The following NDST1 variants were observed in gnomAD, a reference collection of about 807,000 sequenced individuals.
NDST1 encodes bifunctional heparan sulfate N-deacetylase/N-sulfotransferase 1.
Under a neutral mutation model 92.8 loss-of-function variants are expected in NDST1, and 35 were observed. The ratio of observed to expected loss-of-function variants is 0.38; its 90% confidence interval spans 0.29 to 0.50. The LOEUF (loss-of-function observed/expected upper bound fraction) is 0.50. Ranked by LOEUF, NDST1 falls within the 20% of genes least tolerant of loss-of-function variation. NDST1 has a pLI of 0.94. For synonymous variants in NDST1, 493 were observed against 500.3 expected (o/e 0.99, Z 0.19); for missense variants, 822 against 1,182.7 (o/e 0.69, Z 4.47).
chr5:150,511,515 A>C (rs75303717), intron 1 of NDST1, among the ~76,000 whole-genome samples: 1 of 152,198 alleles, frequency 6.6e-6, no homozygotes, highest in Non-Finnish European at 1.5e-5. Context: ...GGACCAAGGT[A>C]AATGAGAGTG....
chr5:150,506,962 C>T (rs1025618637), upstream of NDST1, among the ~76,000 whole-genome samples: 1 of 152,348 alleles, frequency 6.6e-6, no homozygotes, highest in African/African-American at 2.4e-5. Flanking sequence ...CCCTAGCCCA[C>T]CTGGCTTCCG....
At chr5:150,511,893 A>G (rs1753740194) in intron 1 of NDST1, among the ~76,000 whole-genome samples, 1 of 139,648 alleles carries the variant, frequency 7.2e-6, no homozygotes, top group Admixed American at 7.2e-5. Context: ...TGGGTGGGGC[A>G]GGCTGTGGTA....
In NDST1 at chr5:150,545,345, C is replaced by T; in HGVS notation, c.2004C>T (p.Thr668=). 1.2e-6 allele frequency: 2 copies of T among 1,614,246 alleles called. No homozygotes were observed. Among genetic ancestry groups the T allele is most frequent in the African/African-American group, 1.3e-5 (1 of 75,072 alleles). ...AGTTCTTCCCCATCCCTTCCAACAC[C>T]ACCTCCGACTTCTACTTTGAGAAAA... ...YMEFFPIPSN[T]TSDFYFEKSA... The change falls in exon 11 of 15, where the codon ACC becomes ACT. Residue 668 remains threonine, a synonymous_variant. Coordinates refer to ENST00000261797, the MANE Select transcript of NDST1 (RefSeq NM_001543.5).
chr5:150,543,203 G>A (rs1312392958), intron 10 of NDST1, among the ~76,000 whole-genome samples: 2 of 152,244 alleles, frequency 1.3e-5, no homozygotes, highest in African/African-American at 4.8e-5. Context: ...GTAGTCAGAC[G>A]CTGAGGTCGA....
At chr5:150,542,137 A>G (rs1755272816) in intron 9 of NDST1, among the ~76,000 whole-genome samples, 2 of 152,188 alleles carry the variant, frequency 1.3e-5, no homozygotes, top group Admixed American at 1.3e-4. Flanking sequence ...AGGTTCAGAG[A>G]AGTCAAGTGA....
intron 3 of NDST1, among the ~76,000 whole-genome samples, chr5:150,530,557 ATTTTTTTT>A (rs71589713): frequency 2.4e-5 from 3 of 127,234 alleles, no homozygotes; most frequent in African/African-American, 6.7e-5. Flanking sequence ...CGTATTTTAA[ATTTTTTTT>A]TTTTTTTTTT....
chr5:150,548,697 C>T (rs760179819), intron 12 of NDST1, among the ~76,000 whole-genome samples: 4 of 152,028 alleles, frequency 2.6e-5, no homozygotes, highest in Admixed American at 6.6e-5. Context: ...CCACTGTACC[C>T]AGCTAATTTT....
chr5:150,551,629 C>T (rs1340813079), intron 13 of NDST1, 124 bp from the exon 14 acceptor site: 5 of 1,200,580 alleles, frequency 4.2e-6, no homozygotes, highest in Non-Finnish European at 2.4e-6. Flanking sequence ...TCTGACAGTC[C>T]ATGTGGGTTC....
In NDST1 at chr5:150,553,983, C is replaced by A. The variant is rs1755817730; in HGVS notation, c.*651C>A. 1.5e-5 allele frequency: 6 copies of A among 409,446 alleles called. No homozygotes were observed. The East Asian group carries it at 2.1e-4, about 14-fold the overall frequency. 25.4% of individuals were successfully genotyped at this position (409,446 alleles called of 1,614,324 possible). A position where few individuals can be genotyped will look rare whatever the true frequency, so the allele number is the denominator to read the frequency against. On this transcript the variant is annotated 3_prime_UTR_variant, in exon 15 of 15. Transcript: ENST00000261797. This position sits in a 1 kb window ranked among gnomAD's most constrained non-coding sequence, Gnocchi z 4.2. ...CAAGGCTTCCCGCAGGGCCTTGGGG[C>A]ACTGCCTTGCCATCGGGCCCAGTTC... is the stretch of plus-strand genomic sequence containing the variant.
rs1284905058 is a variant in NDST1, at chr5:150,535,689, C to A, written c.1252-11C>A. On this transcript the variant is annotated splice_polypyrimidine_tract_variant and intron_variant, in intron 5 of 14. Transcript: ENST00000261797. ...CCTATGCTCACCCTGGCCTGGTCAT[C>A]CTCTCCCTAGGAGCATGGCATTCCC... 1 of 1,614,144 alleles carries A rather than the reference C, an allele frequency of 6.2e-7. No individual in the cohort carries two copies. Among genetic ancestry groups the A allele is most frequent in the South Asian group, 1.1e-5 (1 of 91,088 alleles).
intron 1 of NDST1, among the ~76,000 whole-genome samples, chr5:150,499,481 G>A (rs766211569): frequency 1.3e-5 from 2 of 152,216 alleles, no homozygotes; most frequent in African/African-American, 2.4e-5. Flanking sequence ...AAGGCAGCGG[G>A]TGTAAGGGCT....
chr5:150,544,113 G>T (rs1397954235), intron 10 of NDST1, among the ~76,000 whole-genome samples: 1 of 152,188 alleles, frequency 6.6e-6, no homozygotes, highest in East Asian at 1.9e-4. Flanking sequence ...ACAGTCTCTT[G>T]TCTAAAATCT....
intron 5 of NDST1, 139 bp from the exon 6 acceptor site, chr5:150,535,561 C>T: frequency 8.2e-7 from 1 of 1,225,620 alleles, no homozygotes; most frequent in Non-Finnish European, 1.2e-6. Context: ...GCCTCAGCTT[C>T]CCATCTTACC....
chr5:150,521,509 G>A lies in NDST1; in HGVS notation c.255G>A (p.Val85=), dbSNP rs1754237943. Residue 85 remains valine (V), a synonymous_variant, in exon 2 of 15, where the codon GTG becomes GTA. Transcript: ENST00000261797. This position sits in a 1 kb window ranked among gnomAD's most constrained non-coding sequence, Gnocchi z 5.9. ...AATPSRTDPL[V]LVFVESLYSQ... The stretch of plus-strand genomic sequence containing the variant: ...CCCCTTCCCGCACAGACCCGTTGGT[G>A]CTGGTCTTTGTGGAGAGCCTCTACT... The A allele has an allele frequency of 6.2e-7, 1 of 1,613,908 alleles. No homozygotes were observed. Among genetic ancestry groups the A allele is most frequent in the African/African-American group, 1.3e-5 (1 of 74,934 alleles).
At chr5:150,550,857 A>C (rs139193869) in intron 13 of NDST1, 1 of 152,368 alleles carries the variant, frequency 6.6e-6, no homozygotes, top group Admixed American at 6.5e-5. Flanking sequence ...GATAAAGATA[A>C]TAATCCCTGC....
chr5:150,530,723 T>A (rs1366982550), intron 3 of NDST1, among the ~76,000 whole-genome samples: 1 of 152,032 alleles, frequency 6.6e-6, no homozygotes, highest in African/African-American at 2.4e-5. Flanking sequence ...CATACCCAGC[T>A]TACCCAGCTA....
At chr5:150,518,016 T>C (rs1329885617) in intron 1 of NDST1, among the ~76,000 whole-genome samples, 1 of 152,202 alleles carries the variant, frequency 6.6e-6, no homozygotes, top group Non-Finnish European at 1.5e-5. Flanking sequence ...CTGGGTACCC[T>C]GAGTGTAAAC....
rs1359429635 is a variant in NDST1, at chr5:150,541,574, C to T, written c.1754C>T (p.Pro585Leu). The T allele has an allele frequency of 1.9e-6, 3 of 1,614,134 alleles. No homozygotes were observed. The highest frequency in any genetic ancestry group is 1.7e-6 in the Non-Finnish European group (2 of 1,180,004). The change falls in exon 9 of 15, where the codon CCC becomes CTC. Residue 585 changes from proline to leucine, a missense_variant. Pro to Leu is a moderately conservative substitution (Grantham distance 98). Transcript: ENST00000261797. ...SEEKDPLWQDPCEDKRHKDIW... is the reference protein window; with the variant it reads ...SEEKDPLWQDLCEDKRHKDIW... ...TCCCTTCCACTGTTGTTTTAGGACCCCTGCGAGGACAAACGTCACAAAGAC... is the reference window on the plus strand; with the variant it reads ...TCCCTTCCACTGTTGTTTTAGGACCTCTGCGAGGACAAACGTCACAAAGAC...
At chr5:150,533,144 A>G (rs2151285776) in intron 4 of NDST1, 112 bp downstream of exon 4, 3 of 1,062,992 alleles carry the variant, frequency 2.8e-6, no homozygotes, top group Non-Finnish European at 4.4e-6. Flanking sequence ...CCCACATTAG[A>G]GGCAGAGGTG....
Sources: gnomAD v4.1 joint callset for allele counts (sites outside exome capture counted in the v4.1 genomes callset) on GRCh38, gnomAD v4.1.1 for gene constraint, Gnocchi (gnomAD v3.1) non-coding constraint, MANE v1.5 for transcripts, NCBI Gene and HGNC (gene_info 2026-07-23, HGNC 2026-07-21) for gene names.